Variants in MTRES1 observed in about 807,000 individuals in gnomAD.
The protein encoded by MTRES1 is uncharacterized protein C6orf203.
In MTRES1, 11 loss-of-function variants were observed where a neutral mutation model predicts 17.4. The ratio of observed to expected loss-of-function variants is 0.63; its 90% CI spans 0.40 to 1.05. The LOEUF (loss-of-function observed/expected upper bound fraction) is 1.05, where lower values mean the gene tolerates loss of function less well. Among genes scored for constraint, MTRES1 ranks in the 50% least tolerant of loss-of-function variants. The pLI is 0.00. For synonymous variants in MTRES1, 94 were observed against 99.6 expected (o/e 0.94, Z 0.34); for missense variants, 268 against 276.2 (o/e 0.97, Z 0.21).
intron 3 of MTRES1, among the ~76,000 whole-genome samples, chr6:107,047,070 G>A (rs1352607309): frequency 6.6e-6 from 1 of 151,910 alleles, no homozygotes; most frequent in African/African-American, 2.4e-5. Context: ...CCAAAGTGCT[G>A]GGATTACAGG....
At chr6:107,031,377 C>T (rs1773830472) in intron 1 of MTRES1, among the ~76,000 whole-genome samples, 1 of 117,806 alleles carries the variant, frequency 8.5e-6, no homozygotes, top group South Asian at 3.5e-4. Context: ...CAGAGGAAGA[C>T]CCTGTCTCAA....
Position 107,040,194 on chromosome 6 carries a change from ATGT to A in MTRES1, c.438_440del (p.Val147del). ...AAAGCAGTTCAGTCTTTTCGGTATG[ATGT>A]TGTCCTGAAGACGGGGCTAGATATT... On this transcript the variant is annotated inframe_deletion, in exon 2 of 4. Transcript: ENST00000311381. The A allele has an allele frequency of 1.9e-6, 3 of 1,606,304 alleles. No homozygotes were observed. Among genetic ancestry groups the A allele is most frequent in the Non-Finnish European group, 2.5e-6 (3 of 1,178,216 alleles).
At chr6:107,050,968 T>C (rs1554229132) in intron 3 of MTRES1, 89 bp from the exon 4 acceptor site, 3 of 1,066,628 alleles carry the variant, frequency 2.8e-6, no homozygotes, top group African/African-American at 3.1e-5. Context: ...TGGGTCATGA[T>C]CATGTGGTGA....
Position 107,040,076 on chromosome 6 carries a change from T to G in MTRES1, c.316T>G (p.Ser106Ala). 6.2e-7 allele frequency: 1 copy of G among 1,613,782 alleles called. No individual in the cohort carries two copies. The highest frequency in any genetic ancestry group is 8.5e-7 in the Non-Finnish European group (1 of 1,179,980). The change falls in exon 2 of 4, where the codon TCT becomes GCT. Residue 106 changes from serine (S) to alanine (A), a missense_variant. Transcript: ENST00000311381. Reference protein sequence around the residue: ...KSLQKVDEEDSDEESHHDEMS... With the variant: ...KSLQKVDEEDADEESHHDEMS... ...TCTGCAAAAAGTAGATGAAGAGGAC[T>G]CTGATGAAGAAAGCCATCATGATGA...
intron 1 of MTRES1, among the ~76,000 whole-genome samples, chr6:107,032,687 G>A (rs371471952): frequency 2.0e-5 from 3 of 152,108 alleles, no homozygotes; most frequent in East Asian, 3.8e-4. Context: ...CCGGGTGACA[G>A]TGCAAGACTC....
rs570146590 is a variant in MTRES1 at position 107,045,943 on chromosome 6, C to T, written c.543+1611C>T. Among the ~76,000 whole-genome samples, 277 of 152,304 alleles carry T rather than the reference C, an allele frequency of 1.8e-3. 1 individual carries two copies. The highest frequency in any genetic ancestry group is 6.3e-3 in the African/African-American group (261 of 41,572). ...GAAATTGAGGCTGTCGGCTGTCAGC[C>T]GTGCATTTGGGTGAGCACTGAGGCT... is the stretch of plus-strand genomic sequence containing the variant. On this transcript the variant is annotated intron_variant, in intron 3 of 3. Transcript: ENST00000311381.
At chr6:107,031,286 G>A in intron 1 of MTRES1, among the ~76,000 whole-genome samples, 1 of 151,550 alleles carries the variant, frequency 6.6e-6, no homozygotes, top group African/African-American at 2.4e-5. Flanking sequence ...AGGCTGAGGT[G>A]GGAGACTATG....
intron 3 of MTRES1, among the ~76,000 whole-genome samples, chr6:107,049,005 GT>G (rs1554228799): frequency 6.6e-6 from 1 of 151,982 alleles, no homozygotes; most frequent in African/African-American, 2.4e-5. Context: ...GCTATTGTGG[GT>G]TTCCTGGATT....
chr6:107,047,205 G>A (rs1554228523), intron 3 of MTRES1, among the ~76,000 whole-genome samples: 1 of 151,864 alleles, frequency 6.6e-6, no homozygotes, highest in Non-Finnish European at 1.5e-5. Flanking sequence ...CCTTTTCTTT[G>A]TATATTTTTT....
At chr6:107,037,461 T>C (rs1774050408) in intron 1 of MTRES1, among the ~76,000 whole-genome samples, 1 of 152,054 alleles carries the variant, frequency 6.6e-6, no homozygotes, top group African/African-American at 2.4e-5. Context: ...TCCTCCCTCC[T>C]TGGACTCCAA....
Position 107,051,244 on chromosome 6 carries a change from G to A in MTRES1, c.*8G>A, listed in dbSNP as rs369906226. The A allele has an allele frequency of 3.1e-6, 5 of 1,607,420 alleles. No homozygotes were observed. The African/African-American group carries it at 4.0e-5, about 13-fold the overall frequency. On this transcript the variant is annotated 3_prime_UTR_variant, in exon 4 of 4. Coordinates refer to ENST00000311381, the MANE Select transcript of MTRES1 (RefSeq NM_016487.5). ...AAGAGAATGTCTAAATAAATGGATT[G>A]CTTTTTAGCAATAGAGCTGCTTTCT...
At chr6:107,041,154 G>C (rs1250331521) in intron 2 of MTRES1, among the ~76,000 whole-genome samples, 2 of 151,526 alleles carry the variant, frequency 1.3e-5, no homozygotes, top group African/African-American at 2.4e-5. Flanking sequence ...GAACCCGGGA[G>C]GCGGAGCTTG....
chr6:107,030,123 A>AG (rs1554226255), intron 1 of MTRES1: 1 of 718,540 alleles, frequency 1.4e-6, no homozygotes, highest in Admixed American at 2.0e-5. Context: ...TGCTTAATTA[A>AG]GGGGAGGATG....
chr6:107,041,957 A>G (rs1394169238), intron 2 of MTRES1, among the ~76,000 whole-genome samples: 1 of 152,210 alleles, frequency 6.6e-6, no homozygotes, highest in African/African-American at 2.4e-5. Context: ...TGTGATATGA[A>G]TAAATGCAGC....
At chr6:107,035,064 G>T (rs1773964442) in intron 1 of MTRES1, among the ~76,000 whole-genome samples, 1 of 152,004 alleles carries the variant, frequency 6.6e-6, no homozygotes, top group African/African-American at 2.4e-5. Context: ...TTCTTAAATT[G>T]CTTCAACTTT....
intron 2 of MTRES1, 56 bp downstream of exon 2, chr6:107,040,286 T>G: frequency 6.8e-7 from 1 of 1,465,184 alleles, no homozygotes; most frequent in South Asian, 1.4e-5. Flanking sequence ...TATTTTAATA[T>G]AGCATTACAA....
Position 107,038,249 on chromosome 6 carries a change from A to G in MTRES1, c.-12-1500A>G, listed in dbSNP as rs186368130. On this transcript the variant is annotated intron_variant, in intron 1 of 3. Coordinates refer to ENST00000311381, the MANE Select transcript of MTRES1 (RefSeq NM_016487.5). ...TGAGTGAGCCATAATCAGAGGTATC[A>G]ATCCTAAGGTACAATCTAGGCACAA... 3.1e-3 allele frequency among the ~76,000 whole-genome samples: 479 copies of G among 152,312 alleles called. 2 individuals are homozygous for G. The highest frequency in any genetic ancestry group is 4.9e-3 in the Non-Finnish European group (332 of 68,020).
intron 2 of MTRES1, among the ~76,000 whole-genome samples, chr6:107,042,311 G>A (rs1250979131): frequency 7.9e-6 from 1 of 126,950 alleles, no homozygotes; most frequent in Non-Finnish European, 1.6e-5. Context: ...CTGCACTCCA[G>A]CCTGGGCAAC....
chr6:107,038,172 A>G (rs782629933), intron 1 of MTRES1, among the ~76,000 whole-genome samples: 2 of 152,202 alleles, frequency 1.3e-5, no homozygotes, highest in Non-Finnish European at 2.9e-5. Context: ...ATGCCAGGGA[A>G]ATAAGGCCCA....
Sources: allele counts gnomAD v4.1 joint callset (sites outside exome capture counted in the v4.1 genomes callset), GRCh38; gene constraint gnomAD v4.1.1; transcripts MANE v1.5; gene names NCBI Gene and HGNC (gene_info 2026-07-23, HGNC 2026-07-21).